Variants in PCDHGB3 observed in about 807,000 individuals in gnomAD.
PCDHGB3 encodes protocadherin gamma-B3.
In PCDHGB3, 40 loss-of-function variants were observed where a neutral mutation model predicts 59.2. The observed-to-expected ratio is 0.68, with a 90% CI of 0.52 to 0.88. The LOEUF (loss-of-function observed/expected upper bound fraction) is 0.88. PCDHGB3 is among the 40% of genes least tolerant of loss of function. The pLI is 0.00. For synonymous variants in PCDHGB3, 581 were observed against 503.6 expected (o/e 1.15, Z -2.06); for missense variants, 1,309 against 1,187.9 (o/e 1.10, Z -1.50).
At chr5:141,405,104 C>A in intron 1 of PCDHGB3, 3 of 1,613,940 alleles carry the variant, frequency 1.9e-6, no homozygotes, top group Non-Finnish European at 2.5e-6. Flanking sequence ...CAGGCTGAGG[C>A]ACTGGCACTC....
Position 141,490,685 on chromosome 5 carries a change from A to G in PCDHGB3, c.2416-4122A>G, listed in dbSNP as rs2099703028. On this transcript the variant is annotated intron_variant, in intron 1 of 3. Coordinates refer to ENST00000576222, the MANE Select transcript of PCDHGB3 (RefSeq NM_018924.5). The surrounding 1 kb of genome is among the most constrained non-coding windows in gnomAD (Gnocchi z 5.4). ...TGCACTGTGGCTGCCTCAGATCCAGACACTGGGGATAATGCCCGCCTCACC... is the reference window on the plus strand; with the variant it reads ...TGCACTGTGGCTGCCTCAGATCCAGGCACTGGGGATAATGCCCGCCTCACC... The G allele has an allele frequency of 1.9e-6, 3 of 1,614,030 alleles. No individual in the cohort carries two copies. Among genetic ancestry groups the G allele is most frequent in the South Asian group, 2.2e-5 (2 of 91,082 alleles).
At chr5:141,374,687 C>A in intron 1 of PCDHGB3, 1 of 1,609,446 alleles carries the variant, frequency 6.2e-7, no homozygotes, top group Non-Finnish European at 8.5e-7. Flanking sequence ...CACACTGGAC[C>A]GGGAAGGAGA....
intron 1 of PCDHGB3, chr5:141,427,690 T>TC (rs1331581287): frequency 2.3e-6 from 2 of 881,240 alleles, no homozygotes; most frequent in Non-Finnish European, 3.7e-6. Context: ...GGAGCCTCCA[T>TC]CCCACAAGTC....
Position 141,476,512 on chromosome 5 carries a change from T to C in PCDHGB3, c.2416-18295T>C, listed in dbSNP as rs1171240377. ...TGATCCAGGACATCAACGACAACAA[T>C]CCTGCTTTCCCTACCCAGGAAATGA... On this transcript the variant is annotated intron_variant, in intron 1 of 3. Transcript: ENST00000576222. This position sits in a 1 kb window ranked among gnomAD's most constrained non-coding sequence, Gnocchi z 7.6. The C allele has an allele frequency of 6.2e-7, 1 of 1,613,642 alleles. No homozygotes were observed. Among genetic ancestry groups the C allele is most frequent in the Non-Finnish European group, 8.5e-7 (1 of 1,179,940 alleles).
intron 1 of PCDHGB3, chr5:141,414,617 T>C: frequency 6.2e-7 from 1 of 1,614,002 alleles, no homozygotes; most frequent in Non-Finnish European, 8.5e-7. Flanking sequence ...GTGACAGCGC[T>C]GGACCCGGAC....
chr5:141,386,419 G>T (rs952384075), intron 1 of PCDHGB3, among the ~76,000 whole-genome samples: 1 of 152,112 alleles, frequency 6.6e-6, no homozygotes, highest in African/African-American at 2.4e-5. Flanking sequence ...GTTGCAAGCT[G>T]TAGCCCACCT....
chr5:141,419,794 T>C (rs368369787), intron 1 of PCDHGB3: 54 of 1,613,930 alleles, frequency 3.3e-5, no homozygotes, highest in Non-Finnish European at 4.5e-5. Flanking sequence ...TGCTAGTCGC[T>C]GTAAGAGATG....
chr5:141,388,903 A>G (rs910200040), intron 1 of PCDHGB3: 14 of 1,614,010 alleles, frequency 8.7e-6, no homozygotes, highest in Non-Finnish European at 1.2e-5. Flanking sequence ...GATGAAAATG[A>G]CAACGCCCCA....
chr5:141,450,678 G>C (rs1038323301), intron 1 of PCDHGB3, among the ~76,000 whole-genome samples: 1 of 151,854 alleles, frequency 6.6e-6, no homozygotes, highest in Non-Finnish European at 1.5e-5. Context: ...GTAGAAACGG[G>C]GTTTTGCCAT....
rs561122870 is a variant in PCDHGB3 at position 141,439,444 on chromosome 5, C to T, written c.2416-55363C>T. On this transcript the variant is annotated intron_variant, in intron 1 of 3. Transcript: ENST00000576222. ...ATAAATTCCCAGGAATATTTTATTG[C>T]GGGAGCAAGACTGCACTGCTGCCTT... Among the ~76,000 whole-genome samples the T allele has an allele frequency of 3.0e-4, 46 of 152,264 alleles. 1 individual carries two copies. The South Asian group carries it at 6.2e-3, about 21-fold the overall frequency.
chr5:141,477,268 C>T lies in PCDHGB3; in HGVS notation c.2416-17539C>T. ...TGACTGACCTGGATGCTGGCGAGAA[C>T]GGGCTGGTGACCTGCGAAGTTCCAC... On this transcript the variant is annotated intron_variant, in intron 1 of 3. Transcript: ENST00000576222. The surrounding 1 kb of genome is among the most constrained non-coding windows in gnomAD (Gnocchi z 4.9). The T allele has an allele frequency of 6.2e-7, 1 of 1,614,196 alleles. No individual in the cohort carries two copies. The highest frequency in any genetic ancestry group is 8.5e-7 in the Non-Finnish European group (1 of 1,180,030).
Position 141,476,437 on chromosome 5 carries a change from T to C in PCDHGB3, c.2416-18370T>C, listed in dbSNP as rs1260141259. The C allele has an allele frequency of 6.2e-7, 1 of 1,614,004 alleles. No homozygotes were observed. Among genetic ancestry groups the C allele is most frequent in the East Asian group, 2.2e-5 (1 of 44,836 alleles). ...GGACACTGCCCTCTTGCACTGTAAC[T>C]CTGGAGTTGGTAGTGGAGAACCCGC... On this transcript the variant is annotated intron_variant, in intron 1 of 3. Transcript: ENST00000576222. This position sits in a 1 kb window ranked among gnomAD's most constrained non-coding sequence, Gnocchi z 7.6.
At chr5:141,451,050 G>A (rs915545429) in intron 1 of PCDHGB3, among the ~76,000 whole-genome samples, 6 of 151,352 alleles carry the variant, frequency 4.0e-5, no homozygotes, top group South Asian at 4.2e-4. Flanking sequence ...GGCTGGTCTC[G>A]AACTCCTGAC....
chr5:141,505,118 C>T (rs544825360), intron 2 of PCDHGB3, among the ~76,000 whole-genome samples: 32 of 152,222 alleles, frequency 2.1e-4, no homozygotes, highest in African/African-American at 7.5e-4. Flanking sequence ...GCCAAGATCG[C>T]GCCACTGCAC....
At chr5:141,415,386 A>G (rs1383734863) in intron 1 of PCDHGB3, 9 of 1,614,156 alleles carry the variant, frequency 5.6e-6, no homozygotes, top group Non-Finnish European at 7.6e-6. Flanking sequence ...GCGGCTTGAC[A>G]GGTGTGTCCG....
In PCDHGB3 at chr5:141,432,112, C is replaced by T; in HGVS notation, c.2415+59303C>T. ...CAGACACCAACGACAACCCGCCGGT[C>T]TTCCCTCAGGCCTCCTATTCCGCTT... On this transcript the variant is annotated intron_variant, in intron 1 of 3. Transcript: ENST00000576222. The surrounding 1 kb of genome is among the most constrained non-coding windows in gnomAD (Gnocchi z 6.0). 1 of 1,614,186 alleles carries T rather than the reference C, an allele frequency of 6.2e-7. No individual in the cohort carries two copies. The highest frequency in any genetic ancestry group is 8.5e-7 in the Non-Finnish European group (1 of 1,180,042).
rs769081116 is a variant in PCDHGB3 at position 141,370,364 on chromosome 5, G to A, written c.-31G>A. On this transcript the variant is annotated 5_prime_UTR_variant, in exon 1 of 4. Coordinates refer to ENST00000576222, the MANE Select transcript of PCDHGB3 (RefSeq NM_018924.5). ...ATTATTTAAAGATCTCCTCTCCTCGGATTTAGAAAGGCAAAGGCGCAGAGA... is the reference window on the plus strand; with the variant it reads ...ATTATTTAAAGATCTCCTCTCCTCGAATTTAGAAAGGCAAAGGCGCAGAGA... 3.3e-6 allele frequency: 5 copies of A among 1,521,178 alleles called. No individual in the cohort carries two copies. The highest frequency in any genetic ancestry group is 3.5e-6 in the Non-Finnish European group (4 of 1,136,696). The allele number at this position is 1,521,178 out of a possible 1,614,324, so 94.2% of individuals were successfully genotyped here. A position where few individuals can be genotyped will look rare whatever the true frequency, so the allele number is the denominator to read the frequency against.
At position 141,431,374 on chromosome 5, in the gene PCDHGB3, G is replaced by T. The variant is rs1561851775; in HGVS notation, c.2415+58565G>T. On this transcript the variant is annotated intron_variant, in intron 1 of 3. Coordinates refer to ENST00000576222, the MANE Select transcript of PCDHGB3 (RefSeq NM_018924.5). The surrounding 1 kb of genome is among the most constrained non-coding windows in gnomAD (Gnocchi z 4.8). ...AACGCGCCCTGGACCGCGAAGAAAA[G>T]GCTGCTCACCACCTGGTCCTTACGG... 1.9e-6 allele frequency: 3 copies of T among 1,613,862 alleles called. No individual in the cohort carries two copies. Among genetic ancestry groups the T allele is most frequent in the Non-Finnish European group, 2.5e-6 (3 of 1,180,044 alleles).
chr5:141,402,839 C>T (rs2094312458), intron 1 of PCDHGB3: 1 of 1,386,198 alleles, frequency 7.2e-7, no homozygotes, highest in Non-Finnish European at 9.5e-7. Context: ...TGCAGCAAAA[C>T]TCAGCCTCTT....
Sources: allele counts gnomAD v4.1 joint callset (sites outside exome capture counted in the v4.1 genomes callset), GRCh38; gene constraint gnomAD v4.1.1; non-coding constraint Gnocchi (gnomAD v3.1); transcripts MANE v1.5; gene names NCBI Gene and HGNC (gene_info 2026-07-23, HGNC 2026-07-21).